Variants in IGSF21 observed in about 807,000 individuals in gnomAD.
The protein encoded by IGSF21 is immunoglobulin superfamily member 21.
IGSF21 carries 28 observed loss-of-function variants against 46.8 expected under a neutral mutation model. That is an observed-to-expected ratio of 0.60 (90% confidence interval 0.44 to 0.82). The LOEUF is 0.82. IGSF21 is among the 40% of genes least tolerant of loss of function. IGSF21 has a pLI of 0.00. For synonymous variants in IGSF21, 284 were observed against 273.6 expected (o/e 1.04, Z -0.38); for missense variants, 624 against 665.5 (o/e 0.94, Z 0.69).
chr1:18,272,314 T>A (rs1319476788), intron 2 of IGSF21, among the ~76,000 whole-genome samples: 1 of 139,166 alleles, frequency 7.2e-6, no homozygotes, highest in Non-Finnish European at 1.6e-5. Context: ...CAAGATGAGA[T>A]TGGGGGTGGG....
intron 1 of IGSF21, among the ~76,000 whole-genome samples, chr1:18,180,319 A>G (rs1212304751): frequency 6.6e-6 from 1 of 152,220 alleles, no homozygotes; most frequent in Non-Finnish European, 1.5e-5. Flanking sequence ...GAATGAATGA[A>G]TGAATGAAAC....
chr1:18,288,370 C>T (rs370223382), intron 2 of IGSF21, among the ~76,000 whole-genome samples: 1 of 152,190 alleles, frequency 6.6e-6, no homozygotes, highest in South Asian at 2.1e-4. Flanking sequence ...TTGGTAATTA[C>T]CTGTTGCTGC....
intron 2 of IGSF21, among the ~76,000 whole-genome samples, chr1:18,260,448 G>A (rs1161439386): frequency 1.3e-5 from 2 of 152,246 alleles, no homozygotes; most frequent in African/African-American, 4.8e-5. Context: ...TATTGAAGCG[G>A]CAGTGCGCAG....
intron 1 of IGSF21, among the ~76,000 whole-genome samples, chr1:18,182,140 G>T (rs987055728): frequency 6.7e-6 from 1 of 148,510 alleles, no homozygotes; most frequent in South Asian, 2.2e-4. Context: ...CCACCACAAA[G>T]TGGAAAGTCT....
intron 1 of IGSF21, among the ~76,000 whole-genome samples, chr1:18,209,048 C>G (rs904749253): frequency 6.6e-6 from 1 of 152,140 alleles, no homozygotes; most frequent in Non-Finnish European, 1.5e-5. Context: ...AAGGTGGGAA[C>G]TTTCTGGGTT....
chr1:18,232,334 T>A (rs760719192), intron 2 of IGSF21, among the ~76,000 whole-genome samples: 3 of 151,470 alleles, frequency 2.0e-5, no homozygotes, highest in African/African-American at 4.9e-5. Flanking sequence ...TAATAAATAA[T>A]GTTCTTTACT....
chr1:18,366,929 A>G (rs975472090), intron 6 of IGSF21, among the ~76,000 whole-genome samples: 21 of 152,178 alleles, frequency 1.4e-4, no homozygotes, highest in Admixed American at 1.2e-3. Context: ...CTGAAAATAT[A>G]CAAGACTCAT....
chr1:18,308,640 T>C (rs549529526), intron 3 of IGSF21, among the ~76,000 whole-genome samples: 298 of 152,320 alleles, frequency 2.0e-3, no homozygotes, highest in African/African-American at 6.9e-3. Flanking sequence ...AGCTCCAGAA[T>C]GGGCTGTGGG....
At chr1:18,319,498 A>G (rs1283470753) in intron 3 of IGSF21, among the ~76,000 whole-genome samples, 1 of 151,756 alleles carries the variant, frequency 6.6e-6, no homozygotes, top group Non-Finnish European at 1.5e-5. Context: ...TTCTTTACAC[A>G]GGCTGTAAGC....
chr1:18,227,780 G>T, intron 1 of IGSF21, 118 bp from the exon 2 acceptor site: 1 of 711,480 alleles, frequency 1.4e-6, no homozygotes, highest in Non-Finnish European at 2.5e-6. Flanking sequence ...TCAAAGTTGT[G>T]CAACTACAGA....
intron 1 of IGSF21, among the ~76,000 whole-genome samples, chr1:18,148,204 C>T (rs577397716): frequency 1.3e-3 from 185 of 144,254 alleles, no homozygotes; most frequent in Middle Eastern, 7.5e-3. Context: ...GATCTCATCT[C>T]ACTGCAAGCT....
chr1:18,135,310 T>A (rs913635422), intron 1 of IGSF21, among the ~76,000 whole-genome samples: 2 of 152,216 alleles, frequency 1.3e-5, no homozygotes, highest in African/African-American at 4.8e-5. Flanking sequence ...GTGCACAACA[T>A]GCAGGTTAGT....
chr1:18,281,565 CAAAAA>C (rs1198619675), intron 2 of IGSF21, among the ~76,000 whole-genome samples: 1 of 101,126 alleles, frequency 9.9e-6, no homozygotes. Context: ...GACTCTGTCT[CAAAAA>C]AAAAAAAAAA....
At chr1:18,237,156 C>T (rs1340733363) in intron 2 of IGSF21, among the ~76,000 whole-genome samples, 2 of 152,216 alleles carry the variant, frequency 1.3e-5, no homozygotes, top group South Asian at 4.1e-4. Flanking sequence ...GCCTCGCTCT[C>T]CTCATCGAGA....
At chr1:18,159,736 G>T (rs1411965477) in intron 1 of IGSF21, among the ~76,000 whole-genome samples, 2 of 148,652 alleles carry the variant, frequency 1.3e-5, no homozygotes, top group Non-Finnish European at 3.0e-5. Context: ...AGGCTGGAGT[G>T]CAGTGGTGTG....
chr1:18,373,954 CG>C (rs2086254730), intron 6 of IGSF21, among the ~76,000 whole-genome samples: 1 of 152,168 alleles, frequency 6.6e-6, no homozygotes. Context: ...GGCCCAGGCC[CG>C]GGCCTGAAGG....
chr1:18,118,506 A>C (rs1350141463), intron 1 of IGSF21, among the ~76,000 whole-genome samples: 1 of 152,234 alleles, frequency 6.6e-6, no homozygotes, highest in Non-Finnish European at 1.5e-5. Context: ...AGCTGAAGGA[A>C]GGCCAGGTGT....
chr1:18,197,790 A>G (rs1007455153), intron 1 of IGSF21, among the ~76,000 whole-genome samples: 1 of 152,226 alleles, frequency 6.6e-6, no homozygotes, highest in African/African-American at 2.4e-5. Context: ...ACTACCTCAT[A>G]TTGGGGCTAT....
intron 2 of IGSF21, among the ~76,000 whole-genome samples, chr1:18,247,357 CCTT>C (rs1388827526): frequency 2.0e-5 from 3 of 152,114 alleles, no homozygotes; most frequent in Non-Finnish European, 4.4e-5. Flanking sequence ...GCCATCAACT[CCTT>C]CATCCGCCTG....
Sources: gnomAD v4.1 joint callset for allele counts (sites outside exome capture counted in the v4.1 genomes callset) on GRCh38, gnomAD v4.1.1 for gene constraint, MANE v1.5 for transcripts, NCBI Gene and HGNC (gene_info 2026-07-23, HGNC 2026-07-21) for gene names.